The following CHFR variants were observed in gnomAD, a reference collection of about 807,000 sequenced individuals.
CHFR encodes checkpoint with forkhead and ring finger domains, also known as E3 ubiquitin-protein ligase CHFR.
A neutral mutation model predicts 87.6 loss-of-function variants in CHFR; 57 were observed. That is an observed-to-expected ratio of 0.65 (90% confidence interval 0.53 to 0.81). The LOEUF is 0.81. Ranked by LOEUF, CHFR falls within the 30% of genes least tolerant of loss-of-function variation. CHFR has a pLI of 0.00. For synonymous variants in CHFR, 381 were observed against 359.2 expected (o/e 1.06, Z -0.69); for missense variants, 797 against 865.8 (o/e 0.92, Z 1.00).
chr12:132,846,513 G>T (rs982288335), intron 15 of CHFR, among the ~76,000 whole-genome samples: 1 of 151,038 alleles, frequency 6.6e-6, no homozygotes, highest in Non-Finnish European at 1.5e-5. Flanking sequence ...CTCATGATCC[G>T]CCCGCCTCAG....
At chr12:132,865,653 C>CTTTT (rs57560560) in intron 6 of CHFR, among the ~76,000 whole-genome samples, 34 of 58,240 alleles carry the variant, frequency 5.8e-4, no homozygotes, top group South Asian at 7.7e-4. Context: ...GATTACAGGT[C>CTTTT]TTTTTTTTTT....
Position 132,875,595 on chromosome 12 carries a change from G to A in CHFR, c.233+1960C>T, listed in dbSNP as rs558179651. Among the ~76,000 whole-genome samples the A allele has an allele frequency of 5.9e-5, 9 of 152,206 alleles. No homozygotes were observed. The South Asian group carries it at 1.9e-3, about 32-fold the overall frequency. ...CCGAGATCGCACCAACAGCACTTCA[G>A]CCTGAGCCACAGAGCGAGACTCCGT... On this transcript the variant is annotated intron_variant, in intron 3 of 17. Coordinates refer to ENST00000450056, the MANE Select transcript of CHFR (RefSeq NM_001161346.2).
intron 6 of CHFR, chr12:132,867,439 G>C (rs1951370458): frequency 6.6e-6 from 1 of 152,190 alleles, no homozygotes; most frequent in East Asian, 1.9e-4. Context: ...ACAGATCCAT[G>C]GAAAGCAAAG....
intron 11 of CHFR, among the ~76,000 whole-genome samples, chr12:132,853,219 G>A (rs1950984891): frequency 2.6e-5 from 4 of 152,314 alleles, no homozygotes; most frequent in South Asian, 2.1e-4. Context: ...GAGGGGCTAC[G>A]AATGAACAGT....
At chr12:132,856,670 G>C (rs1475953500) in intron 9 of CHFR, 40 bp from the exon 10 acceptor site, 3 of 1,602,250 alleles carry the variant, frequency 1.9e-6, no homozygotes, top group Non-Finnish European at 2.6e-6. Context: ...CCGGCAGTGA[G>C]ACATGGCAGG....
intron 8 of CHFR, 51 bp downstream of exon 8, chr12:132,859,017 G>A (rs368540619): frequency 4.5e-6 from 7 of 1,564,920 alleles, no homozygotes; most frequent in African/African-American, 2.7e-5. Context: ...CACACGGGAC[G>A]AAGAACCTGC....
At chr12:132,872,708 G>A (rs1951519611) in intron 3 of CHFR, among the ~76,000 whole-genome samples, 1 of 152,296 alleles carries the variant, frequency 6.6e-6, no homozygotes, top group African/African-American at 2.4e-5. Context: ...TCTACAGTGT[G>A]GTGCTTCCAC....
At chr12:132,854,408 T>C (rs972083603) in intron 10 of CHFR, 2 of 152,164 alleles carry the variant, frequency 1.3e-5, no homozygotes, top group Admixed American at 6.5e-5. Context: ...GTCTAAACAT[T>C]GACGTCACTG....
In CHFR at chr12:132,877,659, A is replaced by G. The variant is rs1425798745; in HGVS notation, c.134-5T>C. ...TGGGGAAGGAAAGGTCGCAACCTAA[A>G]AAAGAGAGGGTGGGTCAACACGGGA... On this transcript the variant is annotated splice_polypyrimidine_tract_variant and splice_region_variant and intron_variant, in intron 2 of 17. Coordinates refer to ENST00000450056, the MANE Select transcript of CHFR (RefSeq NM_001161346.2). The G allele has an allele frequency of 1.9e-6, 3 of 1,603,102 alleles. No homozygotes were observed. In the African/African-American group the frequency reaches 4.0e-5, roughly 21 times the overall value.
At chr12:132,843,957 A>G in intron 16 of CHFR, 70 bp downstream of exon 16, 1 of 970,344 alleles carries the variant, frequency 1.0e-6, no homozygotes, top group Non-Finnish European at 1.6e-6. Flanking sequence ...CAAAAAAAAA[A>G]AAGAGAGGCA....
In CHFR at chr12:132,841,612, G is replaced by A; in HGVS notation, c.1917-16C>T. The A allele has an allele frequency of 6.2e-7, 1 of 1,609,820 alleles. No homozygotes were observed. On this transcript the variant is annotated splice_polypyrimidine_tract_variant and intron_variant, in intron 17 of 17. Coordinates refer to ENST00000450056, the MANE Select transcript of CHFR (RefSeq NM_001161346.2). Reference sequence around the variant, plus strand: ...ATTGAATTTCCTGCAGGGAGAAAATGGCCAAATTACACAAGAGAGCATTGG... The same window carrying A: ...ATTGAATTTCCTGCAGGGAGAAAATAGCCAAATTACACAAGAGAGCATTGG...
intron 13 of CHFR, 95 bp downstream of exon 13, chr12:132,848,546 A>T: frequency 1.1e-6 from 1 of 934,518 alleles, no homozygotes; most frequent in Non-Finnish European, 1.7e-6. Flanking sequence ...ATCCCTATAA[A>T]CATCAGGCTA....
chr12:132,877,521 A>C (rs1951656115), intron 3 of CHFR, 34 bp downstream of exon 3: 1 of 1,457,372 alleles, frequency 6.9e-7, no homozygotes, highest in East Asian at 2.3e-5. Context: ...AAGCTACAAG[A>C]AGAAACACCA....
At chr12:132,858,229 G>A (rs961155561) in intron 8 of CHFR, among the ~76,000 whole-genome samples, 3 of 152,092 alleles carry the variant, frequency 2.0e-5, no homozygotes, top group African/African-American at 4.8e-5. Flanking sequence ...ATGTGGTGAC[G>A]CATGCCTGTA....
At chr12:132,853,375 G>A (rs1013238955) in intron 11 of CHFR, 56 bp downstream of exon 11, 25 of 1,430,008 alleles carry the variant, frequency 1.7e-5, no homozygotes, top group African/African-American at 4.5e-5. Flanking sequence ...TCAGCACCGG[G>A]CACAGCCACA....
At chr12:132,871,277 C>T (rs1216787998) in intron 4 of CHFR, among the ~76,000 whole-genome samples, 1 of 151,842 alleles carries the variant, frequency 6.6e-6, no homozygotes, top group Non-Finnish European at 1.5e-5. Context: ...CACGGCGAAA[C>T]CCTGTCTGTA....
intron 6 of CHFR, chr12:132,862,565 C>T (rs1951237901): frequency 3.1e-6 from 1 of 319,840 alleles, no homozygotes; most frequent in South Asian, 2.3e-5. Context: ...GACCACATCA[C>T]TCTCCCAACC....
intron 2 of CHFR, among the ~76,000 whole-genome samples, chr12:132,878,473 TAAAA>T (rs199736176): frequency 8.8e-6 from 1 of 113,126 alleles, no homozygotes; most frequent in Non-Finnish European, 1.8e-5. Context: ...CAACTGGAAA[TAAAA>T]AAAAAAAAAA....
At chr12:132,857,670 C>T (rs906465070) in intron 8 of CHFR, 111 bp from the exon 9 acceptor site, 1 of 1,021,350 alleles carries the variant, frequency 9.8e-7, no homozygotes, top group Admixed American at 2.6e-5. Context: ...GCCCAGCCAT[C>T]GTTCAACCTA....
Sources: gnomAD v4.1 joint callset for allele counts (sites outside exome capture counted in the v4.1 genomes callset) on GRCh38, gnomAD v4.1.1 for gene constraint, MANE v1.5 for transcripts, NCBI Gene and HGNC (gene_info 2026-07-23, HGNC 2026-07-21) for gene names.